Variants in POFUT3 observed in about 807,000 individuals in gnomAD.
The protein encoded by POFUT3 is GDP-fucose protein O-fucosyltransferase 3.
At chr8:33,409,017 A>G in the POFUT3 span, among the ~76,000 whole-genome samples, 1 of 152,194 alleles carries the variant, frequency 6.6e-6, no homozygotes, top group Non-Finnish European at 1.5e-5. Context: ...AGATTAAGCA[A>G]TATCTTTTAG....
At chr8:33,347,148 G>T in the POFUT3 span, among the ~76,000 whole-genome samples, 1 of 152,008 alleles carries the variant, frequency 6.6e-6, no homozygotes. Context: ...ACCGCTCCAG[G>T]TTCTTCCAAT....
chr8:33,317,020 AGGGCCTGCT>A, the POFUT3 span, among the ~76,000 whole-genome samples: 1 of 152,062 alleles, frequency 6.6e-6, no homozygotes, highest in Non-Finnish European at 1.5e-5. Flanking sequence ...CCCCTTCTTA[AGGGCCTGCT>A]GGGCCCCACT....
At chr8:33,400,792 C>G in the POFUT3 span, among the ~76,000 whole-genome samples, 1 of 152,092 alleles carries the variant, frequency 6.6e-6, no homozygotes, top group African/African-American at 2.4e-5. Flanking sequence ...CAATATTTTG[C>G]TTGTTAACAT....
the POFUT3 span, among the ~76,000 whole-genome samples, chr8:33,364,893 G>A: frequency 6.6e-6 from 1 of 152,126 alleles, no homozygotes; most frequent in Non-Finnish European, 1.5e-5. Flanking sequence ...TTTCTTCACA[G>A]AATTGGAAAA....
the POFUT3 span, chr8:33,453,076 A>G: frequency 1.2e-6 from 1 of 818,510 alleles, no homozygotes. Context: ...CAGGCCTTCC[A>G]CAGAGCAAAT....
At chr8:33,443,173 C>T in the POFUT3 span, among the ~76,000 whole-genome samples, 2 of 152,190 alleles carry the variant, frequency 1.3e-5, no homozygotes, top group African/African-American at 4.8e-5. Flanking sequence ...CAAAAGTTAT[C>T]TTGTAAAACA....
At chr8:33,361,151 A>G in the POFUT3 span, 1 of 152,178 alleles carries the variant, frequency 6.6e-6, no homozygotes, top group Non-Finnish European at 1.5e-5. Context: ...GGCTGAGTAA[A>G]TATTGACTCA....
chr8:33,319,663 ATT>A, the POFUT3 span, among the ~76,000 whole-genome samples: 2 of 3,614 alleles, frequency 5.5e-4, no homozygotes, highest in Non-Finnish European at 1.2e-3. Context: ...AAATATATAT[ATT>A]TTATATATAT....
At chr8:33,459,641 CAA>C in the POFUT3 span, among the ~76,000 whole-genome samples, 23 of 108,210 alleles carry the variant, frequency 2.1e-4, no homozygotes, top group Admixed American at 2.9e-4. Flanking sequence ...GAAACTGTCT[CAA>C]AAAAAAAAAA....
At chr8:33,333,127 G>A in the POFUT3 span, among the ~76,000 whole-genome samples, 1 of 152,210 alleles carries the variant, frequency 6.6e-6, no homozygotes, top group Admixed American at 6.5e-5. Context: ...AAGGCAAATC[G>A]CCAAACTTCC....
the POFUT3 span, among the ~76,000 whole-genome samples, chr8:33,360,377 C>T: frequency 6.6e-5 from 10 of 151,816 alleles, no homozygotes; most frequent in Admixed American, 2.0e-4. Context: ...ACCCAGGAGG[C>T]GGAGCTTGCA....
chr8:33,424,658 A>T, the POFUT3 span, among the ~76,000 whole-genome samples: 2 of 152,102 alleles, frequency 1.3e-5, no homozygotes, highest in African/African-American at 2.4e-5. Context: ...TTTCTTCTGG[A>T]TAATCCCTGT....
chr8:33,406,427 C>T, the POFUT3 span, among the ~76,000 whole-genome samples: 1 of 151,876 alleles, frequency 6.6e-6, no homozygotes, highest in Non-Finnish European at 1.5e-5. Context: ...TGAAGTATAC[C>T]ATTTACTAGT....
the POFUT3 span, among the ~76,000 whole-genome samples, chr8:33,336,038 C>T: frequency 6.6e-6 from 1 of 152,066 alleles, no homozygotes; most frequent in African/African-American, 2.4e-5. Context: ...GTTCAAAGGT[C>T]AACTGTCGTG....
At chr8:33,415,044 C>T in the POFUT3 span, among the ~76,000 whole-genome samples, 1 of 151,730 alleles carries the variant, frequency 6.6e-6, no homozygotes, top group Non-Finnish European at 1.5e-5. Flanking sequence ...AGCAGATCAC[C>T]TGAGTCCAGG....
the POFUT3 span, among the ~76,000 whole-genome samples, chr8:33,434,767 C>T: frequency 2.0e-5 from 3 of 151,904 alleles, no homozygotes; most frequent in African/African-American, 7.3e-5. Context: ...CACTGATGTG[C>T]ACCTCCACCC....
At chr8:33,427,406 C>T in the POFUT3 span, among the ~76,000 whole-genome samples, 211 of 151,852 alleles carry the variant, frequency 1.4e-3, 3 homozygotes, top group Admixed American at 1.6e-3. Flanking sequence ...GGAGAAGCCC[C>T]GTCTCTACTA....
At chr8:33,414,444 G>A in the POFUT3 span, among the ~76,000 whole-genome samples, 1 of 152,156 alleles carries the variant, frequency 6.6e-6, no homozygotes, top group Non-Finnish European at 1.5e-5. Flanking sequence ...CCTATGAAGA[G>A]AGTATTTAAG....
the POFUT3 span, among the ~76,000 whole-genome samples, chr8:33,447,069 G>T: frequency 6.6e-6 from 1 of 152,158 alleles, no homozygotes; most frequent in Non-Finnish European, 1.5e-5. Flanking sequence ...ATCCATAGAT[G>T]GTGTATGGAG....
Sources: gnomAD v4.1 joint callset for allele counts (sites outside exome capture counted in the v4.1 genomes callset) on GRCh38, gnomAD v4.1.1 for gene constraint, MANE v1.5 for transcripts, NCBI Gene and HGNC (gene_info 2026-07-23, HGNC 2026-07-21) for gene names.